The following NIPSNAP1 variants were observed in gnomAD, a reference collection of about 807,000 sequenced individuals.
The protein encoded by NIPSNAP1 is nipsnap homolog 1, also known as protein NipSnap homolog 1.
Under a neutral mutation model 49.2 loss-of-function variants are expected in NIPSNAP1, and 25 were observed. That is an observed-to-expected ratio of 0.51 (90% CI 0.37 to 0.71). The LOEUF is 0.71. Among genes scored for constraint, NIPSNAP1 ranks in the 30% least tolerant of loss-of-function variants. NIPSNAP1 has a pLI of 0.00. For missense variants in NIPSNAP1, 294 were observed against 361.0 expected (o/e 0.81, Z 1.50); for synonymous variants, 143 against 140.7 (o/e 1.02, Z -0.12).
intron 8 of NIPSNAP1, among the ~76,000 whole-genome samples, chr22:29,559,754 T>G (rs901462741): frequency 2.0e-5 from 3 of 152,004 alleles, no homozygotes; most frequent in Non-Finnish European, 4.4e-5. Flanking sequence ...TAACAAATCT[T>G]CTGTGGACTT....
At chr22:29,561,124 G>A (rs1196621572) in intron 7 of NIPSNAP1, 47 bp downstream of exon 7, 1 of 1,579,246 alleles carries the variant, frequency 6.3e-7, no homozygotes, top group African/African-American at 1.3e-5. Flanking sequence ...TGGGGCAGGT[G>A]AGCAGGGTAC....
At position 29,570,517 on chromosome 22, in the gene NIPSNAP1, G is replaced by A. The variant is rs780183015; in HGVS notation, c.114C>T (p.Asp38=). ...SAAAARFYSK[D]NEGSWFRSLF... is the part of the protein sequence containing the mutation. ...GGGAGCGGAACCAGCTGCCTTCATT[G>A]TCCTTGGAATAGAAACTGCAGGACA... The change falls in exon 2 of 10, where the codon GAC becomes GAT. Residue 38 remains aspartate, a synonymous_variant. Coordinates refer to ENST00000216121, the MANE Select transcript of NIPSNAP1 (RefSeq NM_003634.4). 1.2e-6 allele frequency: 2 copies of A among 1,613,664 alleles called. No individual in the cohort carries two copies. Among genetic ancestry groups the A allele is most frequent in the African/African-American group, 2.7e-5 (2 of 74,914 alleles).
intron 9 of NIPSNAP1, among the ~76,000 whole-genome samples, chr22:29,557,418 TG>T (rs2064303875): frequency 6.6e-6 from 1 of 151,618 alleles, no homozygotes; most frequent in African/African-American, 2.4e-5. Context: ...GTGCTTGTCT[TG>T]TTTTTTATTA....
Position 29,577,786 on chromosome 22 carries a change from G to A in NIPSNAP1, c.98+3199C>T, listed in dbSNP as rs1199907615. 2.0e-5 allele frequency among the ~76,000 whole-genome samples: 3 copies of A among 150,630 alleles called. 1 individual carries two copies. The highest frequency in any genetic ancestry group is 7.5e-5 in the African/African-American group (3 of 40,246). ...CTCCCTCTGTTGCCCAGGCTGGAGTGCAGTGGCGCGATCTTGGCTCACTGC... is the reference window on the plus strand; with the variant it reads ...CTCCCTCTGTTGCCCAGGCTGGAGTACAGTGGCGCGATCTTGGCTCACTGC... On this transcript the variant is annotated intron_variant, in intron 1 of 9. Coordinates refer to ENST00000216121, the MANE Select transcript of NIPSNAP1 (RefSeq NM_003634.4).
Position 29,581,098 on chromosome 22 carries a change from G to A in NIPSNAP1, c.-16C>T. 1.3e-6 allele frequency: 2 copies of A among 1,539,984 alleles called. No homozygotes were observed. Among genetic ancestry groups the A allele is most frequent in the Non-Finnish European group, 1.7e-6 (2 of 1,145,430 alleles). On this transcript the variant is annotated 5_prime_UTR_variant, in exon 1 of 10. Coordinates refer to ENST00000216121, the MANE Select transcript of NIPSNAP1 (RefSeq NM_003634.4). The stretch of plus-strand genomic sequence containing the variant: ...GCGGAGCCATGTTGGAGCCGCAAAG[G>A]TTGCAGGAAGGCCCCGCCCCCAAGC...
chr22:29,576,668 G>A (rs1333695108), intron 1 of NIPSNAP1, among the ~76,000 whole-genome samples: 1 of 151,464 alleles, frequency 6.6e-6, no homozygotes, highest in Non-Finnish European at 1.5e-5. Context: ...GCTCACGCCT[G>A]TAATCCCAGC....
At chr22:29,570,673 C>T in intron 1 of NIPSNAP1, 141 bp from the exon 2 acceptor site, 1 of 1,126,232 alleles carries the variant, frequency 8.9e-7, no homozygotes, top group Admixed American at 2.4e-5. Flanking sequence ...CAGCTCCAGA[C>T]TGTGAAATGC....
chr22:29,569,844 C>T, intron 3 of NIPSNAP1: 2 of 400,344 alleles, frequency 5.0e-6, no homozygotes, highest in East Asian at 1.1e-4. Context: ...AAAAAATTAG[C>T]CATGCTTAGC....
chr22:29,566,352 G>A (rs1486370851), intron 4 of NIPSNAP1, among the ~76,000 whole-genome samples: 4 of 151,866 alleles, frequency 2.6e-5, no homozygotes, highest in African/African-American at 9.7e-5. Context: ...GTGTTGCCCA[G>A]GCTGGAGTGC....
chr22:29,570,548 G>A lies in NIPSNAP1; in HGVS notation c.99-16C>T. The A allele has an allele frequency of 2.5e-6, 4 of 1,611,822 alleles. No individual in the cohort carries two copies. The highest frequency in any genetic ancestry group is 2.2e-5 in the East Asian group (1 of 44,812). On this transcript the variant is annotated splice_polypyrimidine_tract_variant and intron_variant, in intron 1 of 9. Transcript: ENST00000216121. ...GGAATAGAAACTGCAGGACAGAGGAGTTGAGGGGGACGCGCGGAGGTTGGG... is the reference window on the plus strand; with the variant it reads ...GGAATAGAAACTGCAGGACAGAGGAATTGAGGGGGACGCGCGGAGGTTGGG...
chr22:29,557,182 G>T (rs536442133), intron 9 of NIPSNAP1, among the ~76,000 whole-genome samples: 1 of 146,606 alleles, frequency 6.8e-6, no homozygotes, highest in East Asian at 2.1e-4. Flanking sequence ...GCAGTGGCAG[G>T]TTCTCGGCTC....
At chr22:29,580,927 G>A in intron 1 of NIPSNAP1, 58 bp downstream of exon 1, 1 of 1,361,588 alleles carries the variant, frequency 7.3e-7, no homozygotes, top group Non-Finnish European at 9.8e-7. Flanking sequence ...CCAGTCCCTG[G>A]CCCCCGCGCC....
chr22:29,581,050 C>A lies in NIPSNAP1; in HGVS notation c.33G>T (p.Thr11=), dbSNP rs1453479378. 1.3e-6 allele frequency: 2 copies of A among 1,540,138 alleles called. No individual in the cohort carries two copies. Among genetic ancestry groups the A allele is most frequent in the Non-Finnish European group, 8.7e-7 (1 of 1,145,588 alleles). Residue 11 remains threonine, a synonymous_variant, in exon 1 of 10, where the codon ACG becomes ACT. Coordinates refer to ENST00000216121, the MANE Select transcript of NIPSNAP1 (RefSeq NM_003634.4). MAPRLCSISV[T]ARRLLGGPGP... ...CCGGGCCCCCCAGCAGCCGCCGCGC[C>A]GTCACAGAGATGCTGCACAGCCGCG...
At chr22:29,563,230 T>C (rs1361557085) in intron 4 of NIPSNAP1, among the ~76,000 whole-genome samples, 1 of 151,790 alleles carries the variant, frequency 6.6e-6, no homozygotes, top group African/African-American at 2.4e-5. Flanking sequence ...TGTGCCAGTG[T>C]ACTCCAGCCT....
chr22:29,556,050 A>G (rs991784066), intron 9 of NIPSNAP1, 51 bp from the exon 10 acceptor site: 2 of 1,500,360 alleles, frequency 1.3e-6, no homozygotes, highest in Non-Finnish European at 1.8e-6. Flanking sequence ...CAAGCCAACA[A>G]CCTCCCCTGG....
In NIPSNAP1 at chr22:29,556,001, T is replaced by C; in HGVS notation, c.791-2A>G. On this transcript the variant is annotated splice_acceptor_variant, in intron 9 of 9. Transcript: ENST00000216121. LOFTEE classifies it high-confidence loss of function. Reference sequence around the variant, plus strand: ...ACTCCATGTGTCGCACCAGGGGGACTGCGGAGAGAGAAGGCAGAGGTCACA... The same window carrying C: ...ACTCCATGTGTCGCACCAGGGGGACCGCGGAGAGAGAAGGCAGAGGTCACA... The C allele has an allele frequency of 6.5e-7, 1 of 1,547,894 alleles. No individual in the cohort carries two copies. The highest frequency in any genetic ancestry group is 8.7e-7 in the Non-Finnish European group (1 of 1,145,242).
At chr22:29,580,890 G>A in intron 1 of NIPSNAP1, 95 bp downstream of exon 1, 2 of 990,542 alleles carry the variant, frequency 2.0e-6, no homozygotes, top group Non-Finnish European at 2.8e-6. Context: ...GATTCCAAGC[G>A]AGGAGTCTCA....
chr22:29,557,489 A>G (rs1318384835), intron 9 of NIPSNAP1, among the ~76,000 whole-genome samples: 1 of 151,672 alleles, frequency 6.6e-6, no homozygotes, highest in East Asian at 1.9e-4. Context: ...GTGCAATGGC[A>G]CAATCATGGC....
chr22:29,580,157 T>A, intron 1 of NIPSNAP1: 1 of 1,304,062 alleles, frequency 7.7e-7, no homozygotes, highest in Non-Finnish European at 1.0e-6. Context: ...GGTGGGAGGC[T>A]GGGGAAACAG....
Sources: allele counts gnomAD v4.1 joint callset (sites outside exome capture counted in the v4.1 genomes callset), GRCh38; gene constraint gnomAD v4.1.1; transcripts MANE v1.5; gene names NCBI Gene and HGNC (gene_info 2026-07-23, HGNC 2026-07-21).